SCFD2: variants seen among roughly 807,000 people sequenced by gnomAD.
SCFD2 encodes sec1 family domain containing 2, also known as sec1 family domain-containing protein 2.
A neutral mutation model predicts 58.9 loss-of-function variants in SCFD2; 54 were observed. The ratio of observed to expected loss-of-function variants is 0.92; its 90% confidence interval spans 0.74 to 1.15. The LOEUF (loss-of-function observed/expected upper bound fraction) is 1.15. Among genes scored for constraint, SCFD2 ranks in the 50% most tolerant of loss-of-function variants. The probability of loss-of-function intolerance (pLI) is 0.00; values close to 1 mark genes in which losing one functional copy is unlikely to be tolerated. For missense variants in SCFD2, 805 were observed against 836.6 expected, an observed-to-expected ratio of 0.96 and a Z score of 0.47; for synonymous variants, 321 against 335.9, an observed-to-expected ratio of 0.96 and a Z score of 0.49.
Position 53,145,531 on chromosome 4 carries a change from TCATGGGCAG to T in SCFD2, c.1354_1362del (p.Leu452_Met454del). On this transcript the variant is annotated inframe_deletion, in exon 5 of 9. Coordinates refer to ENST00000401642, the MANE Select transcript of SCFD2 (RefSeq NM_152540.4). The stretch of plus-strand genomic sequence containing the variant: ...TTGGTTCTCTGGGTTACAGGCTTAA[TCATGGGCAG>T]CAGCTGATTTAACACAACGGACATT... 1.2e-6 allele frequency: 2 copies of T among 1,614,118 alleles called. No individual in the cohort carries two copies. The highest frequency in any genetic ancestry group is 1.7e-6 in the Non-Finnish European group (2 of 1,179,982).
intron 5 of SCFD2, among the ~76,000 whole-genome samples, chr4:52,965,621 C>T (rs184352324): frequency 1.5e-4 from 23 of 152,344 alleles, no homozygotes; most frequent in African/African-American, 4.8e-4. Flanking sequence ...GGAGGCTGTG[C>T]GTTGCCCACT....
chr4:53,081,183 G>T (rs1179420804), intron 5 of SCFD2, among the ~76,000 whole-genome samples: 2 of 152,082 alleles, frequency 1.3e-5, no homozygotes, highest in Non-Finnish European at 2.9e-5. Flanking sequence ...GGTAATTGTT[G>T]TATAATCTAT....
At position 53,354,576 on chromosome 4, in the gene SCFD2, G is replaced by A. The variant is rs73816162; in HGVS notation, c.839-1810C>T. On this transcript the variant is annotated intron_variant, in intron 1 of 8. Coordinates refer to ENST00000401642, the MANE Select transcript of SCFD2 (RefSeq NM_152540.4). ...CTCAAGTGTGGCCAGAGCAGACACC[G>A]AGGCCGAGGAGGCACTGAGAGCGAG... 5.5e-3 allele frequency among the ~76,000 whole-genome samples: 836 copies of A among 152,296 alleles called. 11 individuals are homozygous for A. Among genetic ancestry groups the A allele is most frequent in the African/African-American group, 0.019 (775 of 41,566 alleles).
intron 4 of SCFD2, among the ~76,000 whole-genome samples, chr4:53,257,628 T>C (rs937648694): frequency 2.6e-5 from 4 of 151,968 alleles, no homozygotes; most frequent in African/African-American, 9.7e-5. Context: ...TTTTGTGGGG[T>C]TTTTTGATAC....
intron 5 of SCFD2, among the ~76,000 whole-genome samples, chr4:53,119,801 A>C (rs1186062269): frequency 6.6e-6 from 1 of 152,240 alleles, no homozygotes; most frequent in Non-Finnish European, 1.5e-5. Context: ...GGGGCCAATC[A>C]GCAGTGACAT....
intron 4 of SCFD2, among the ~76,000 whole-genome samples, chr4:53,164,605 C>T (rs1226418252): frequency 1.3e-5 from 2 of 152,006 alleles, no homozygotes; most frequent in African/African-American, 2.4e-5. Context: ...ACCAGATTGG[C>T]CAACATGGCA....
chr4:53,216,843 T>C (rs1033585822), intron 4 of SCFD2, among the ~76,000 whole-genome samples: 4 of 152,346 alleles, frequency 2.6e-5, no homozygotes, highest in Admixed American at 6.5e-5. Context: ...TCTGGTATGT[T>C]GTGTCTTTGT....
At chr4:53,230,130 T>C (rs1729382346) in intron 4 of SCFD2, among the ~76,000 whole-genome samples, 1 of 152,156 alleles carries the variant, frequency 6.6e-6, no homozygotes, top group Admixed American at 6.5e-5. Flanking sequence ...CAACAGGTGC[T>C]GGAGAGGATG....
At chr4:53,328,775 C>G (rs575551850) in intron 2 of SCFD2, among the ~76,000 whole-genome samples, 2 of 152,348 alleles carry the variant, frequency 1.3e-5, no homozygotes, top group East Asian at 3.9e-4. Flanking sequence ...CTCCGGTCTA[C>G]AGCTCCCAGC....
At chr4:53,141,582 A>T (rs1237226435) in intron 5 of SCFD2, among the ~76,000 whole-genome samples, 3 of 152,128 alleles carry the variant, frequency 2.0e-5, no homozygotes, top group Admixed American at 1.3e-4. Context: ...GCTTTTATAT[A>T]CATGTACAAT....
intron 5 of SCFD2, among the ~76,000 whole-genome samples, chr4:53,127,535 T>G (rs1289528137): frequency 1.3e-5 from 2 of 152,126 alleles, no homozygotes; most frequent in Admixed American, 1.3e-4. Flanking sequence ...GGTAATAAAC[T>G]TTGTTCACTT....
intron 5 of SCFD2, among the ~76,000 whole-genome samples, chr4:52,999,051 T>C (rs1652300276): frequency 6.6e-6 from 1 of 152,182 alleles, no homozygotes; most frequent in African/African-American, 2.4e-5. Context: ...GAATTAGCAA[T>C]AAGGGTTAAT....
At chr4:53,153,803 C>T (rs1726583692) in intron 4 of SCFD2, among the ~76,000 whole-genome samples, 1 of 152,160 alleles carries the variant, frequency 6.6e-6, no homozygotes, top group Admixed American at 6.5e-5. Context: ...GCTCCTATAT[C>T]TGGTCATAGG....
intron 5 of SCFD2, among the ~76,000 whole-genome samples, chr4:53,090,128 C>T (rs1724429499): frequency 1.3e-5 from 2 of 152,142 alleles, no homozygotes; most frequent in African/African-American, 2.4e-5. Context: ...GTCTGGGTGG[C>T]AAGTGGGATT....
At chr4:53,207,738 G>T (rs4529117) in intron 4 of SCFD2, among the ~76,000 whole-genome samples, 2,067 of 142,872 alleles carry the variant, frequency 0.014, 68 homozygotes, top group African/African-American at 0.051. Flanking sequence ...CAGGAGATTT[G>T]GTTGTTTAAA....
chr4:53,306,382 A>G (rs1308917559), intron 3 of SCFD2, among the ~76,000 whole-genome samples: 2 of 152,208 alleles, frequency 1.3e-5, no homozygotes, highest in Non-Finnish European at 2.9e-5. Context: ...GCAGAGTGAC[A>G]TGAAGACAAA....
chr4:52,947,475 C>T (rs145440734), intron 5 of SCFD2, among the ~76,000 whole-genome samples: 405 of 152,128 alleles, frequency 2.7e-3, no homozygotes, highest in Non-Finnish European at 4.3e-3. Flanking sequence ...GACACCTATG[C>T]GAGAGCATAT....
chr4:53,207,531 T>A (rs1279966894), intron 4 of SCFD2, among the ~76,000 whole-genome samples: 1 of 10,716 alleles, frequency 9.3e-5, no homozygotes, highest in African/African-American at 5.6e-4. Context: ...ATATAATATT[T>A]ATATATTATA....
intron 6 of SCFD2, among the ~76,000 whole-genome samples, 155 bp downstream of exon 6, chr4:52,920,570 G>A (rs757673909): frequency 1.3e-5 from 2 of 152,158 alleles, no homozygotes; most frequent in Non-Finnish European, 2.9e-5. Context: ...TTCAGATTCC[G>A]TGGGACCCAA....
Sources: gnomAD v4.1 joint callset for allele counts (sites outside exome capture counted in the v4.1 genomes callset) on GRCh38, gnomAD v4.1.1 for gene constraint, MANE v1.5 for transcripts, NCBI Gene and HGNC (gene_info 2026-07-23, HGNC 2026-07-21) for gene names.